FSHR: variants seen among roughly 807,000 people sequenced by gnomAD.
The protein encoded by FSHR is follicle stimulating hormone receptor.
In FSHR, 46 loss-of-function variants were observed where a neutral mutation model predicts 52.1. The ratio of observed to expected loss-of-function variants is 0.88; its 90% CI spans 0.70 to 1.13. The LOEUF (loss-of-function observed/expected upper bound fraction) is 1.13, where lower values mean the gene tolerates loss of function less well. FSHR is among the 50% of genes most tolerant of loss of function. The pLI, the probability that FSHR is intolerant of heterozygous loss-of-function variation, is 0.00. For missense variants in FSHR, 964 were observed against 834.6 expected (o/e 1.16, Z -1.91); for synonymous variants, 399 against 309.6 (o/e 1.29, Z -3.03).
chr2:49,016,712 C>G (rs933064425), intron 4 of FSHR, among the ~76,000 whole-genome samples: 6 of 152,150 alleles, frequency 3.9e-5, no homozygotes, highest in Non-Finnish European at 7.3e-5. Flanking sequence ...CTTTAAGCCT[C>G]TATCTTTGTG....
chr2:49,038,750 G>C (rs2104276148), intron 2 of FSHR, among the ~76,000 whole-genome samples: 1 of 151,622 alleles, frequency 6.6e-6, no homozygotes, highest in African/African-American at 2.4e-5. Flanking sequence ...GAGAGGAAGA[G>C]TAGAATTAAA....
intron 1 of FSHR, among the ~76,000 whole-genome samples, chr2:49,092,383 C>T (rs1670645636): frequency 6.6e-6 from 1 of 152,068 alleles, no homozygotes; most frequent in African/African-American, 2.4e-5. Flanking sequence ...TGCCTTATTA[C>T]CCTAGCAAAG....
At position 48,990,892 on chromosome 2, in the gene FSHR, T is replaced by TAA. The variant is rs10644983; in HGVS notation, c.375-257_375-256dup. On this transcript the variant is annotated intron_variant, in intron 4 of 9. Coordinates refer to ENST00000406846, the MANE Select transcript of FSHR (RefSeq NM_000145.4). ...GGGATTAGGATGCCACAGTATACATTAAAAAAAAAACGATTGATAAGTTAA... is the reference window on the plus strand; with the variant it reads ...GGGATTAGGATGCCACAGTATACATTAAAAAAAAAAAACGATTGATAAGTTAA... 0.55 allele frequency among the ~76,000 whole-genome samples: 81,595 copies of TAA among 148,916 alleles called. 23,680 individuals carry two copies. The highest frequency in any genetic ancestry group is 0.66 in the Non-Finnish European group (44,337 of 67,206).
At chr2:49,108,644 A>G (rs2103745935) in intron 1 of FSHR, among the ~76,000 whole-genome samples, 1 of 152,270 alleles carries the variant, frequency 6.6e-6, no homozygotes, top group East Asian at 1.9e-4. Context: ...GTTTTCAAAA[A>G]TGGAAGCAAA....
chr2:49,078,115 A>G (rs1670017572), intron 1 of FSHR, among the ~76,000 whole-genome samples: 1 of 152,188 alleles, frequency 6.6e-6, no homozygotes, highest in Non-Finnish European at 1.5e-5. Flanking sequence ...GCTGATAAAG[A>G]CATTTCTGAG....
chr2:49,010,697 A>G (rs1177599473), intron 4 of FSHR, among the ~76,000 whole-genome samples: 1 of 151,884 alleles, frequency 6.6e-6, no homozygotes, highest in African/African-American at 2.4e-5. Context: ...TTATTGCCAC[A>G]ATTTCAGATC....
intron 4 of FSHR, among the ~76,000 whole-genome samples, chr2:48,999,488 A>G (rs542583265): frequency 2.6e-5 from 4 of 152,142 alleles, no homozygotes; most frequent in East Asian, 1.9e-4. Context: ...GAAGAAATGG[A>G]TTGTGCTGCT....
intron 1 of FSHR, among the ~76,000 whole-genome samples, chr2:49,076,602 G>T (rs920963071): frequency 1.3e-5 from 2 of 152,032 alleles, no homozygotes; most frequent in South Asian, 4.2e-4. Flanking sequence ...CTTCCCTACA[G>T]TCTACCAAAA....
rs1204465048 is a variant in FSHR at position 49,068,217 on chromosome 2, AC to A, written c.224+1del. The stretch of plus-strand genomic sequence containing the variant: ...TCACTCACAGCAGTGCTAGGTACAT[AC>A]ATTTTCTCCAGGTCCCCAAATCCTG... On this transcript the variant is annotated splice_donor_variant, in intron 2 of 9. Coordinates refer to ENST00000406846, the MANE Select transcript of FSHR (RefSeq NM_000145.4). LOFTEE classifies it high-confidence loss of function. 4.3e-6 allele frequency: 7 copies of A among 1,609,456 alleles called. No individual in the cohort carries two copies. The highest frequency in any genetic ancestry group is 5.9e-6 in the Non-Finnish European group (7 of 1,177,650).
chr2:49,054,639 T>C (rs1382151667), intron 2 of FSHR, among the ~76,000 whole-genome samples: 1 of 152,098 alleles, frequency 6.6e-6, no homozygotes, highest in Non-Finnish European at 1.5e-5. Flanking sequence ...AGACCCTGAG[T>C]TGGCCAACGC....
rs1673168332 is a variant in FSHR at position 49,154,327 on chromosome 2, G to C, written c.91C>G (p.Leu31Val). The C allele has an allele frequency of 6.2e-7, 1 of 1,613,788 alleles. No homozygotes were observed. Among genetic ancestry groups the C allele is most frequent in the Admixed American group, 1.7e-5 (1 of 59,960 alleles). Reference protein sequence around the residue: ...RICHCSNRVFLCQESKVTEIP... With the variant: ...RICHCSNRVFVCQESKVTEIP... ...TCTGTCACCTTGCTCTCTTGGCAGA[G>C]AAAAACCCTGTTAGAGCAGTGACAG... Residue 31 changes from leucine (L) to valine (V), a missense_variant, in exon 1 of 10, where the codon CTC (leucine) becomes GTC (valine). Leu to Val is a conservative substitution (Grantham distance 32, BLOSUM62 1). Coordinates refer to ENST00000406846, the MANE Select transcript of FSHR (RefSeq NM_000145.4).
At chr2:49,062,202 C>T (rs980440349) in intron 2 of FSHR, among the ~76,000 whole-genome samples, 2 of 152,016 alleles carry the variant, frequency 1.3e-5, no homozygotes, top group Non-Finnish European at 2.9e-5. Flanking sequence ...ATCCAAACAA[C>T]GTGCTATGGT....
Position 49,127,903 on chromosome 2 carries a change from T to C in FSHR, c.152+26363A>G, listed in dbSNP as rs13005640. Among the ~76,000 whole-genome samples the C allele has an allele frequency of 2.3e-4, 29 of 125,958 alleles. 1 individual carries two copies. Among genetic ancestry groups the C allele is most frequent in the Admixed American group, 5.8e-4 (7 of 12,014 alleles). The allele number at this position is 125,958 out of a possible 152,430, so 82.6% of individuals were successfully genotyped here. A position where few individuals can be genotyped will look rare whatever the true frequency, so the allele number is the denominator to read the frequency against. On this transcript the variant is annotated intron_variant, in intron 1 of 9. Transcript: ENST00000406846. The stretch of plus-strand genomic sequence containing the variant: ...TTCTTCTTCTTCTTCTTCTTCTTTT[T>C]TTTTTTTGAGACGGAGTCTTACTCT...
intron 1 of FSHR, among the ~76,000 whole-genome samples, chr2:49,071,612 T>C (rs556917351): frequency 6.6e-6 from 1 of 152,308 alleles, no homozygotes; most frequent in Non-Finnish European, 1.5e-5. Flanking sequence ...GGTGAATGTT[T>C]TAGTTCATTT....
chr2:48,964,015 G>A (rs1320255486), intron 9 of FSHR, 49 bp from the exon 10 acceptor site: 5 of 1,555,716 alleles, frequency 3.2e-6, no homozygotes, highest in African/African-American at 2.7e-5. Context: ...ATCCAGTATA[G>A]CAAATACATC....
At chr2:49,101,124 T>A (rs1367403616) in intron 1 of FSHR, among the ~76,000 whole-genome samples, 1 of 152,138 alleles carries the variant, frequency 6.6e-6, no homozygotes, top group Non-Finnish European at 1.5e-5. Flanking sequence ...TTGATTGCAC[T>A]GTATTGAGGA....
intron 6 of FSHR, among the ~76,000 whole-genome samples, chr2:48,986,715 A>T (rs1675531999): frequency 6.6e-6 from 1 of 152,190 alleles, no homozygotes; most frequent in African/African-American, 2.4e-5. Context: ...CAGGATCTAT[A>T]TGTTTCCCTT....
At chr2:48,973,046 G>A (rs1001048300) in intron 8 of FSHR, among the ~76,000 whole-genome samples, 7 of 152,046 alleles carry the variant, frequency 4.6e-5, no homozygotes, top group Non-Finnish European at 7.4e-5. Context: ...TGATGTCTTC[G>A]GATAAAAGAA....
rs186410021 is a variant in FSHR at position 49,084,639 on chromosome 2, G to T, written c.153-16349C>A. Among the ~76,000 whole-genome samples the T allele has an allele frequency of 4.6e-5, 7 of 152,086 alleles. No individual in the cohort carries two copies. In the South Asian group the frequency reaches 1.5e-3, roughly 32 times the overall value. ...AAAAAGAGAGAAGAATTCAGTAGAC[G>T]CAATAAAAAATGATAAAGGGGATAT... On this transcript the variant is annotated intron_variant, in intron 1 of 9. Coordinates refer to ENST00000406846, the MANE Select transcript of FSHR (RefSeq NM_000145.4).
Sources: gnomAD v4.1 joint callset for allele counts (sites outside exome capture counted in the v4.1 genomes callset) on GRCh38, gnomAD v4.1.1 for gene constraint, MANE v1.5 for transcripts, NCBI Gene and HGNC (gene_info 2026-07-23, HGNC 2026-07-21) for gene names.